PTPN4: variants seen among roughly 807,000 people sequenced by gnomAD.
The protein encoded by PTPN4 is tyrosine-protein phosphatase non-receptor type 4.
PTPN4 carries 49 observed loss-of-function variants against 135.5 expected under a neutral mutation model. The observed-to-expected ratio is 0.36, with a 90% CI of 0.29 to 0.46. The LOEUF (loss-of-function observed/expected upper bound fraction) is 0.46, where lower values mean the gene tolerates loss of function less well. Ranked by LOEUF, PTPN4 falls within the 20% of genes least tolerant of loss-of-function variation. The pLI is 1.00. For synonymous variants in PTPN4, 333 were observed against 369.9 expected (o/e 0.90, Z 1.14); for missense variants, 860 against 1,101.0 (o/e 0.78, Z 3.10).
intron 9 of PTPN4, among the ~76,000 whole-genome samples, chr2:119,891,814 G>T (rs1324149797): frequency 1.3e-5 from 2 of 152,140 alleles, no homozygotes; most frequent in Non-Finnish European, 1.5e-5. Flanking sequence ...TATTGCTGGA[G>T]AATTATTGTA....
Position 119,934,963 on chromosome 2 carries a change from GA to G in PTPN4, c.1355+6del, listed in dbSNP as rs750841464. On this transcript the variant is annotated splice_donor_region_variant and intron_variant, in intron 15 of 26. Transcript: ENST00000263708. The stretch of plus-strand genomic sequence containing the variant: ...CATTGTTCTGGAATCATCACCGTAA[GA>G]GCTTTTTTATTTTGCTTCCTCTGTA... 20 of 1,600,660 alleles carry G rather than the reference GA, an allele frequency of 1.2e-5. No individual in the cohort carries two copies. The highest frequency in any genetic ancestry group is 1.8e-5 in the Admixed American group (1 of 56,956).
chr2:119,793,707 A>G (rs891897866), intron 1 of PTPN4, among the ~76,000 whole-genome samples: 4 of 152,104 alleles, frequency 2.6e-5, no homozygotes, highest in African/African-American at 4.8e-5. Flanking sequence ...AATCTTCACA[A>G]TTTGTGTTCT....
intron 2 of PTPN4, among the ~76,000 whole-genome samples, chr2:119,855,502 CT>C (rs1411467000): frequency 6.6e-6 from 1 of 152,144 alleles, no homozygotes; most frequent in Non-Finnish European, 1.5e-5. Flanking sequence ...AGAAGTTTCC[CT>C]TCTTTACATA....
intron 26 of PTPN4, among the ~76,000 whole-genome samples, chr2:119,974,151 T>C (rs550496332): frequency 9.2e-5 from 14 of 152,342 alleles, no homozygotes; most frequent in African/African-American, 3.1e-4. Flanking sequence ...TATTTTGAAA[T>C]CAAGGATTTA....
At chr2:119,839,895 G>A (rs760808325) in intron 2 of PTPN4, among the ~76,000 whole-genome samples, 1 of 152,172 alleles carries the variant, frequency 6.6e-6, no homozygotes, top group Non-Finnish European at 1.5e-5. Context: ...TTATGCCTTA[G>A]ATTTGTGACT....
At chr2:119,814,629 A>G (rs1676961437) in intron 2 of PTPN4, among the ~76,000 whole-genome samples, 2 of 152,058 alleles carry the variant, frequency 1.3e-5, no homozygotes, top group African/African-American at 2.4e-5. Flanking sequence ...TCATTTTCCA[A>G]AATTTTCTTA....
At chr2:119,880,430 T>A (rs1278145832) in intron 5 of PTPN4, among the ~76,000 whole-genome samples, 1 of 152,058 alleles carries the variant, frequency 6.6e-6, no homozygotes, top group African/African-American at 2.4e-5. Context: ...CTTTGAATTT[T>A]TTTTTTTTTC....
At chr2:119,847,364 G>C (rs1473741102) in intron 2 of PTPN4, among the ~76,000 whole-genome samples, 2 of 106,804 alleles carry the variant, frequency 1.9e-5, no homozygotes, top group African/African-American at 7.7e-5. Flanking sequence ...TTTTGCTCTT[G>C]TTGCCCAGGC....
At position 119,982,259 on chromosome 2, in the gene PTPN4, G is replaced by A. The variant is rs1208605131; in HGVS notation, c.*5189G>A. ...AATATTTTTCTATGGACAGAAGGTT[G>A]AAACTGTTAACTTCTTTAATTTCAT... On this transcript the variant is annotated 3_prime_UTR_variant, in exon 27 of 27. Transcript: ENST00000263708. 1 of 152,128 alleles carries A rather than the reference G, an allele frequency of 6.6e-6. No individual in the cohort carries two copies. The highest frequency in any genetic ancestry group is 1.5e-5 in the Non-Finnish European group (1 of 68,002). 9.4% of individuals were successfully genotyped at this position (152,128 alleles called of 1,614,324 possible).
intron 11 of PTPN4, chr2:119,916,040 G>GA (rs908250479): frequency 6.8e-5 from 10 of 147,304 alleles, no homozygotes; most frequent in Non-Finnish European, 7.5e-5. Flanking sequence ...AAAAAAAATG[G>GA]AAAAAAAAAA....
Position 119,977,225 on chromosome 2 carries a change from A to T in PTPN4, c.*155A>T. On this transcript the variant is annotated 3_prime_UTR_variant, in exon 27 of 27. Transcript: ENST00000263708. Reference sequence around the variant, plus strand: ...TCAGCACTGTTGCACTTTATGTTTTAAAAAATGTCACTCTTTCAAAATCTA... The same window carrying T: ...TCAGCACTGTTGCACTTTATGTTTTTAAAAATGTCACTCTTTCAAAATCTA... The T allele has an allele frequency of 1.6e-6, 2 of 1,215,044 alleles. No homozygotes were observed. Among genetic ancestry groups the T allele is most frequent in the Non-Finnish European group, 2.1e-6 (2 of 940,392 alleles). The allele number at this position is 1,215,044 out of a possible 1,614,324, so 75.3% of individuals were successfully genotyped here.
rs534586123 is a variant in PTPN4 at position 119,902,058 on chromosome 2, C to T, written c.764+1252C>T. 4.7e-4 allele frequency among the ~76,000 whole-genome samples: 71 copies of T among 152,244 alleles called. 1 individual carries two copies. In the Middle Eastern group the frequency reaches 0.01, roughly 22 times the overall value. On this transcript the variant is annotated intron_variant, in intron 10 of 26. Transcript: ENST00000263708. ...AGTTTTCCAAAATTCATGACAGCCA[C>T]CGAATCACAGATGCAGAAAGTTCAG...
chr2:119,920,011 T>C (rs1456783262), intron 11 of PTPN4, 58 bp from the exon 12 acceptor site: 3 of 1,530,032 alleles, frequency 2.0e-6, no homozygotes, highest in South Asian at 1.3e-5. Context: ...GTAAATTAAA[T>C]GGAGCATTAG....
intron 1 of PTPN4, among the ~76,000 whole-genome samples, chr2:119,775,096 GAAAAAAAAAA>G (rs35234122): frequency 1.3e-4 from 9 of 66,742 alleles, no homozygotes; most frequent in African/African-American, 2.9e-4. Context: ...GCCCTATTCT[GAAAAAAAAAA>G]AAAAAAAAAA....
At chr2:119,824,283 G>A (rs555291117) in intron 2 of PTPN4, among the ~76,000 whole-genome samples, 5 of 152,088 alleles carry the variant, frequency 3.3e-5, no homozygotes, top group Admixed American at 1.3e-4. Flanking sequence ...CTCTTTTTGG[G>A]GGGGAGGCAG....
chr2:119,894,031 T>A (rs888996508), intron 9 of PTPN4, among the ~76,000 whole-genome samples: 5 of 152,210 alleles, frequency 3.3e-5, no homozygotes, highest in African/African-American at 1.2e-4. Context: ...GGGCTTTATG[T>A]ATGTTAATCC....
At chr2:119,792,098 A>G (rs956473826) in intron 1 of PTPN4, among the ~76,000 whole-genome samples, 50 of 152,172 alleles carry the variant, frequency 3.3e-4, no homozygotes, top group Non-Finnish European at 6.0e-4. Flanking sequence ...GCGCTCTTCT[A>G]TTAACAGTGG....
At position 119,796,860 on chromosome 2, in the gene PTPN4, T is replaced by TTGTGTGTG. The variant is rs112883330; in HGVS notation, c.-17-12947_-17-12940dup. On this transcript the variant is annotated intron_variant, in intron 1 of 26. Coordinates refer to ENST00000263708, the MANE Select transcript of PTPN4 (RefSeq NM_002830.4). ...CCAGCATTTGGCATTGTCACTGTTT[T>TTGTGTGTG]TGTGTGTGTGTGTGTGTGTGTGTGT... Among the ~76,000 whole-genome samples the TTGTGTGTG allele has an allele frequency of 3.0e-3, 446 of 147,640 alleles. 3 individuals are homozygous for TTGTGTGTG. Among genetic ancestry groups the TTGTGTGTG allele is most frequent in the African/African-American group, 0.01 (422 of 40,304 alleles).
chr2:119,866,430 C>T (rs1279037882), intron 3 of PTPN4, among the ~76,000 whole-genome samples: 24 of 152,130 alleles, frequency 1.6e-4, no homozygotes, highest in Admixed American at 1.6e-3. Flanking sequence ...CAAACTGGAG[C>T]TTGCATGAGA....
Sources: gnomAD v4.1 joint callset for allele counts (sites outside exome capture counted in the v4.1 genomes callset) on GRCh38, gnomAD v4.1.1 for gene constraint, MANE v1.5 for transcripts, NCBI Gene and HGNC (gene_info 2026-07-23, HGNC 2026-07-21) for gene names.